The following MFGE8 variants were observed in gnomAD, a reference collection of about 807,000 sequenced individuals.
The protein encoded by MFGE8 is milk fat globule EGF and factor V/VIII domain containing.
A neutral mutation model predicts 42.6 loss-of-function variants in MFGE8; 34 were observed. The ratio of observed to expected loss-of-function variants is 0.80; its 90% confidence interval spans 0.61 to 1.06. The LOEUF (loss-of-function observed/expected upper bound fraction) is 1.06, where lower values mean the gene tolerates loss of function less well. MFGE8 is among the 50% of genes least tolerant of loss of function. MFGE8 has a pLI of 0.00. For synonymous variants in MFGE8, 230 were observed against 214.8 expected (o/e 1.07, Z -0.62); for missense variants, 510 against 516.9 (o/e 0.99, Z 0.13).
rs113487507 is a variant in MFGE8 at position 88,912,094 on chromosome 15, G to A, written c.73+1153C>T. 127 of 1,288,212 alleles carry A rather than the reference G, an allele frequency of 9.9e-5. 1 individual carries two copies. The highest frequency in any genetic ancestry group is 1.4e-4 in the Admixed American group (6 of 43,558). 79.8% of individuals were successfully genotyped at this position (1,288,212 alleles called of 1,614,324 possible). On this transcript the variant is annotated intron_variant, in intron 1 of 7. Coordinates refer to ENST00000268150, the MANE Select transcript of MFGE8 (RefSeq NM_005928.4). ...ACGGTCCAGTGGGAAAAAGGGAAAG[G>A]GAAAGGTGTACTCTACCCAGCCACG...
rs373267463 is a variant in MFGE8, at chr15:88,899,706, C to T, written c.976G>A (p.Asp326Asn). ...TGGTACTCAGTCCAGTTCGCACTGT[C>T]ATTACTGTAGGCAACCTTGTAGGAT... ...VASYKVAYSNDSANWTEYQDP... is the reference protein window; with the variant it reads ...VASYKVAYSNNSANWTEYQDP... The change falls in exon 7 of 8, where the codon GAC becomes AAC. Residue 326 changes from aspartate to asparagine, a missense_variant. Asp to Asn is a conservative substitution (Grantham distance 23). Transcript: ENST00000268150. This position sits in a 1 kb window ranked among gnomAD's most constrained non-coding sequence, Gnocchi z 6.8. The T allele has an allele frequency of 8.6e-5, 139 of 1,614,078 alleles. No individual in the cohort carries two copies. The highest frequency in any genetic ancestry group is 1.2e-4 in the Non-Finnish European group (139 of 1,180,042).
intron 1 of MFGE8, among the ~76,000 whole-genome samples, chr15:88,911,702 G>A (rs1474698322): frequency 2.6e-5 from 4 of 151,718 alleles, no homozygotes; most frequent in African/African-American, 9.7e-5. Flanking sequence ...ACTCCAGCCT[G>A]GGCGACACAG....
chr15:88,900,960 CACAT>C (rs1370104496), intron 6 of MFGE8, among the ~76,000 whole-genome samples: 1 of 128,408 alleles, frequency 7.8e-6, no homozygotes, highest in African/African-American at 2.6e-5. Context: ...CTTGTGTACA[CACAT>C]ACACACACAT....
intron 2 of MFGE8, among the ~76,000 whole-genome samples, chr15:88,909,558 G>T (rs754110832): frequency 6.6e-6 from 1 of 152,242 alleles, no homozygotes; most frequent in Non-Finnish European, 1.5e-5. Flanking sequence ...CTGGCCGGCA[G>T]TCTCAGGAAA....
intron 5 of MFGE8, 59 bp from the exon 6 acceptor site, chr15:88,901,794 C>T: frequency 3.2e-6 from 5 of 1,540,470 alleles, no homozygotes; most frequent in Non-Finnish European, 3.6e-6. Flanking sequence ...GGGGCAGGAG[C>T]ACAAGGCGAT....
rs3743390 is a variant in MFGE8 at position 88,905,616 on chromosome 15, T to C, written c.685+141A>G. On this transcript the variant is annotated intron_variant, in intron 5 of 7. Coordinates refer to ENST00000268150, the MANE Select transcript of MFGE8 (RefSeq NM_005928.4). The surrounding 1 kb of genome is among the most constrained non-coding windows in gnomAD (Gnocchi z 6.6). ...GCTATGGCCAGGTGACCCCCTAGAG[T>C]GCGTTGCCCGAGTGAAGCCTGGTCC... is the stretch of plus-strand genomic sequence containing the variant. 62 of 1,127,724 alleles carry C rather than the reference T, an allele frequency of 5.5e-5. 1 individual carries two copies. In the East Asian group the frequency reaches 1.3e-3, roughly 24 times the overall value. The allele number at this position is 1,127,724 out of a possible 1,614,324, so 69.9% of individuals were successfully genotyped here.
rs1898866327 is a variant in MFGE8, at chr15:88,909,728, C to A, written c.205+64G>T. The A allele has an allele frequency of 1.2e-5, 19 of 1,610,220 alleles. No individual in the cohort carries two copies. The South Asian group carries it at 2.0e-4, about 17-fold the overall frequency. ...GAATAAGGCCAGCATATGGCCTATG[C>A]CACCAGGGCTGTGGCTCAGGGTCTA... On this transcript the variant is annotated intron_variant, in intron 2 of 7. Transcript: ENST00000268150.
At chr15:88,912,468 G>T in intron 1 of MFGE8, 1 of 985,396 alleles carries the variant, frequency 1.0e-6, no homozygotes. Context: ...AAATGATGGA[G>T]GGGCCACCTA....
chr15:88,910,699 G>A (rs1194015117), intron 1 of MFGE8: 3 of 154,258 alleles, frequency 1.9e-5, no homozygotes, highest in Non-Finnish European at 1.4e-5. Flanking sequence ...TGCCAGACTG[G>A]GCAATGAGTA....
At chr15:88,900,509 G>A (rs1567213652) in intron 6 of MFGE8, among the ~76,000 whole-genome samples, 1 of 152,182 alleles carries the variant, frequency 6.6e-6, no homozygotes, top group African/African-American at 2.4e-5. Context: ...TCCACAGGCA[G>A]GCAGCTCCTC....
chr15:88,898,994 G>A lies in MFGE8; in HGVS notation c.*401C>T, dbSNP rs552953110. On this transcript the variant is annotated 3_prime_UTR_variant, in exon 8 of 8. Transcript: ENST00000268150. ...CTGTTATCTCCAGCCTGGCGCTTCCGGGCCTTTCTTGAGGCCACCATGGGA... is the reference window on the plus strand; with the variant it reads ...CTGTTATCTCCAGCCTGGCGCTTCCAGGCCTTTCTTGAGGCCACCATGGGA... 10 of 284,848 alleles carry A rather than the reference G, an allele frequency of 3.5e-5. No homozygotes were observed. The highest frequency in any genetic ancestry group is 1.1e-4 in the African/African-American group (5 of 46,392). 17.6% of individuals were successfully genotyped at this position (284,848 alleles called of 1,614,324 possible).
At chr15:88,907,401 G>T in intron 2 of MFGE8, 25 bp from the exon 3 acceptor site, 1 of 1,612,290 alleles carries the variant, frequency 6.2e-7, no homozygotes, top group Non-Finnish European at 8.5e-7. Context: ...GTGGCAGTCA[G>T]GTGGCTACCC....
chr15:88,906,803 C>T lies in MFGE8; in HGVS notation c.388-25G>A. 6.2e-7 allele frequency: 1 copy of T among 1,611,920 alleles called. No individual in the cohort carries two copies. The highest frequency in any genetic ancestry group is 8.5e-7 in the Non-Finnish European group (1 of 1,179,612). On this transcript the variant is annotated intron_variant, in intron 3 of 7. Transcript: ENST00000268150. This position sits in a 1 kb window ranked among gnomAD's most constrained non-coding sequence, Gnocchi z 4.2. ...CCTGGACACAGGGCAGGGGAGATGG[C>T]ACCCTTATCTCCTGGGTTCTTTCCA...
intron 2 of MFGE8, among the ~76,000 whole-genome samples, chr15:88,909,172 T>C (rs907423697): frequency 6.6e-6 from 1 of 152,176 alleles, no homozygotes; most frequent in Non-Finnish European, 1.5e-5. Context: ...CCACCCCACC[T>C]AGGGCCATTC....
chr15:88,898,815 G>C lies in MFGE8; in HGVS notation c.*580C>G, dbSNP rs1898227720. ...TGACCTCGCTCCCTTTCTCCCCATA[G>C]ACCCGCCCCACCCCCTTCTGTGTCG... is the stretch of plus-strand genomic sequence containing the variant. On this transcript the variant is annotated 3_prime_UTR_variant, in exon 8 of 8. Coordinates refer to ENST00000268150, the MANE Select transcript of MFGE8 (RefSeq NM_005928.4). 5.9e-6 allele frequency: 1 copy of C among 168,996 alleles called. No individual in the cohort carries two copies. The allele number at this position is 168,996 out of a possible 1,614,324, so 10.5% of individuals were successfully genotyped here.
At position 88,906,860 on chromosome 15, in the gene MFGE8, C is replaced by A; in HGVS notation, c.388-82G>T. On this transcript the variant is annotated intron_variant, in intron 3 of 7. Coordinates refer to ENST00000268150, the MANE Select transcript of MFGE8 (RefSeq NM_005928.4). This position sits in a 1 kb window ranked among gnomAD's most constrained non-coding sequence, Gnocchi z 4.2. ...ATCCAAGCAGACCCATCCCTTCACT[C>A]CCCCACTGGGTGGGGGAACAACTCA... 1 of 1,546,492 alleles carries A rather than the reference C, an allele frequency of 6.5e-7. No individual in the cohort carries two copies. Among genetic ancestry groups the A allele is most frequent in the South Asian group, 1.1e-5 (1 of 89,150 alleles).
chr15:88,901,195 TCACACATTCA>T (rs796252654), intron 6 of MFGE8, among the ~76,000 whole-genome samples: 2,650 of 61,724 alleles, frequency 0.043, 206 homozygotes, highest in South Asian at 0.17. Flanking sequence ...ACACACACAT[TCACACATTCA>T]CACACACACA....
chr15:88,902,643 T>C lies in MFGE8; in HGVS notation c.686-908A>G, dbSNP rs555179234. The C allele has an allele frequency of 4.9e-4, 75 of 152,450 alleles. No individual in the cohort carries two copies. Among genetic ancestry groups the C allele is most frequent in the Non-Finnish European group, 9.4e-4 (64 of 68,112 alleles). 9.4% of individuals were successfully genotyped at this position (152,450 alleles called of 1,614,324 possible). On this transcript the variant is annotated intron_variant, in intron 5 of 7. Coordinates refer to ENST00000268150, the MANE Select transcript of MFGE8 (RefSeq NM_005928.4). This position sits in a 1 kb window ranked among gnomAD's most constrained non-coding sequence, Gnocchi z 4.3. ...AGCTGGCCTTTGTTTCACTCAGCCC[T>C]GCCCCAAACACTCAGGAATGTGCCG...
chr15:88,907,409 C>T (rs780794630), intron 2 of MFGE8, 33 bp from the exon 3 acceptor site: 2 of 1,606,628 alleles, frequency 1.2e-6, no homozygotes, highest in East Asian at 4.5e-5. Context: ...CAGGTGGCTA[C>T]CCCAGCAGGT....
Sources: gnomAD v4.1 joint callset for allele counts (sites outside exome capture counted in the v4.1 genomes callset) on GRCh38, gnomAD v4.1.1 for gene constraint, Gnocchi (gnomAD v3.1) non-coding constraint, MANE v1.5 for transcripts, NCBI Gene and HGNC (gene_info 2026-07-23, HGNC 2026-07-21) for gene names.